The following POLR2F variants were observed in gnomAD, a reference collection of about 807,000 sequenced individuals.
POLR2F encodes the protein DNA-directed RNA polymerases I, II, and III subunit RPABC2.
POLR2F carries 12 observed loss-of-function variants against 22.7 expected under a neutral mutation model. The observed-to-expected ratio is 0.53, with a 90% CI of 0.34 to 0.86. The LOEUF is 0.86. POLR2F is among the 40% of genes least tolerant of loss of function. POLR2F has a pLI of 0.02. For missense variants in POLR2F, 126 were observed against 171.5 expected (o/e 0.73, Z 1.48); for synonymous variants, 57 against 66.0 (o/e 0.86, Z 0.66).
chr22:37,990,416 G>A (rs867802817), intron 1 of POLR2F, among the ~76,000 whole-genome samples: 5 of 152,364 alleles, frequency 3.3e-5, no homozygotes, highest in South Asian at 2.1e-4. Flanking sequence ...GCTCTCTTCT[G>A]AGAAGCCTTC....
chr22:38,021,535 C>T lies in POLR2F; in HGVS notation c.121-4334C>T, dbSNP rs564547922. ...ACAGTGACGCGATCATGGCTCTCTG[C>T]AGCCTCGACCTCCCAGGCTCAGGTG... is the stretch of plus-strand genomic sequence containing the variant. On this transcript the variant is annotated intron_variant, in intron 1 of 2. Coordinates refer to the POLR2F transcript ENST00000333418. 2.4e-4 allele frequency among the ~76,000 whole-genome samples: 36 copies of T among 152,280 alleles called. No homozygotes were observed. The South Asian group carries it at 7.0e-3, about 30-fold the overall frequency.
intron 1 of POLR2F, among the ~76,000 whole-genome samples, chr22:38,009,048 C>T (rs1423636620): frequency 2.0e-5 from 3 of 152,096 alleles, no homozygotes; most frequent in Non-Finnish European, 4.4e-5. Flanking sequence ...ATTTGGGTAT[C>T]TGGGGAAGAA....
intron 1 of POLR2F, among the ~76,000 whole-genome samples, chr22:38,015,438 G>A (rs565163761): frequency 2.0e-5 from 3 of 152,284 alleles, no homozygotes; most frequent in Admixed American, 1.3e-4. Context: ...AACTGGACTC[G>A]ATGTGATCTG....
chr22:37,979,198 A>G (rs1460312039), intron 4 of POLR2F, among the ~76,000 whole-genome samples: 1 of 152,020 alleles, frequency 6.6e-6, no homozygotes, highest in Admixed American at 6.6e-5. Context: ...CCTGAGTTCA[A>G]GCGATTCTCC....
intron 3 of POLR2F, 129 bp downstream of exon 3, chr22:37,959,605 C>T: frequency 1.9e-6 from 2 of 1,041,378 alleles, no homozygotes; most frequent in Admixed American, 2.2e-5. Context: ...TGGTGCCGTC[C>T]CTGCGTACCA....
At chr22:38,008,830 C>G (rs1046898041) in intron 1 of POLR2F, among the ~76,000 whole-genome samples, 2 of 150,814 alleles carry the variant, frequency 1.3e-5, no homozygotes, top group African/African-American at 4.9e-5. Flanking sequence ...TGCACTCCAG[C>G]CTGGGTGACA....
intron 4 of POLR2F, among the ~76,000 whole-genome samples, chr22:37,979,452 G>C (rs938174025): frequency 3.3e-5 from 5 of 151,864 alleles, no homozygotes; most frequent in African/African-American, 9.7e-5. Context: ...GGAGGATCTA[G>C]GGTTGGACTC....
downstream of POLR2F, among the ~76,000 whole-genome samples, chr22:38,030,884 C>G (rs1375468823): frequency 6.6e-6 from 1 of 152,148 alleles, no homozygotes; most frequent in African/African-American, 2.4e-5. Context: ...AGCTCAGTTG[C>G]TGGACAAATC....
intron 3 of POLR2F, among the ~76,000 whole-genome samples, chr22:37,966,815 T>C (rs988219305): frequency 1.4e-4 from 22 of 152,186 alleles, no homozygotes; most frequent in African/African-American, 5.1e-4. Flanking sequence ...CACTGGGCAC[T>C]GAGGCAAGGC....
downstream of POLR2F, chr22:37,974,277 G>T: frequency 9.0e-7 from 1 of 1,106,396 alleles, no homozygotes; most frequent in East Asian, 2.4e-5. This position sits in a 1 kb window ranked among gnomAD's most constrained non-coding sequence, Gnocchi z 5.4. Flanking sequence ...GAACTTCCAT[G>T]GTTCACCTTC....
chr22:38,000,542 G>A (rs1457570389), intron 1 of POLR2F, among the ~76,000 whole-genome samples: 1 of 152,194 alleles, frequency 6.6e-6, no homozygotes, highest in Non-Finnish European at 1.5e-5. Context: ...GGGTGGCTTT[G>A]GGCCCCTCGA....
At chr22:37,967,444 T>G in intron 4 of POLR2F, 181 bp from the exon 5 acceptor site, 8 of 1,435,338 alleles carry the variant, frequency 5.6e-6, no homozygotes, top group Non-Finnish European at 7.3e-6. Context: ...TTCTTCCCCC[T>G]CTTGTCTGAT....
At position 37,977,942 on chromosome 22, in the gene POLR2F, T is replaced by C. The variant is rs1400625808; in HGVS notation, c.293+10772T>C. On this transcript the variant is annotated intron_variant, in intron 4 of 4. Coordinates refer to the POLR2F transcript ENST00000405557. ...TGCCGGTGGTCCAAGTGGGCGCTCT[T>C]GTAGTGGGCCTGGATGGCGGCGGTC... 5.6e-6 allele frequency: 9 copies of C among 1,612,668 alleles called. No homozygotes were observed. The highest frequency in any genetic ancestry group is 1.3e-5 in the African/African-American group (1 of 74,892).
downstream of POLR2F, chr22:38,041,265 G>A: frequency 3.5e-6 from 4 of 1,153,708 alleles, no homozygotes; most frequent in Non-Finnish European, 5.0e-6. Flanking sequence ...ACAGGGGGAG[G>A]GAGGTTTCCA....
chr22:37,994,487 C>G (rs939645982), intron 1 of POLR2F, among the ~76,000 whole-genome samples: 2 of 152,130 alleles, frequency 1.3e-5, no homozygotes, highest in Non-Finnish European at 2.9e-5. Context: ...GCTGGTACCA[C>G]AGGCACCAGC....
chr22:37,959,557 C>A, intron 3 of POLR2F, 81 bp downstream of exon 3: 4 of 1,468,670 alleles, frequency 2.7e-6, no homozygotes, highest in South Asian at 1.2e-5. Flanking sequence ...CCCAGCCTGG[C>A]ACCTGAAAAC....
chr22:38,039,142 C>A (rs1025175282), intron 5 of POLR2F, among the ~76,000 whole-genome samples: 5 of 152,312 alleles, frequency 3.3e-5, no homozygotes, highest in African/African-American at 1.2e-4. Flanking sequence ...TTGAGGGGGC[C>A]GCCGCTGGGA....
At chr22:37,995,892 C>T (rs1272299982) in intron 1 of POLR2F, among the ~76,000 whole-genome samples, 1 of 151,756 alleles carries the variant, frequency 6.6e-6, no homozygotes, top group East Asian at 1.9e-4. Context: ...CCCAGCTACT[C>T]GGGAAGCTGA....
intron 1 of POLR2F, 35 bp from the exon 2 acceptor site, chr22:37,956,738 A>G (rs749407811): frequency 3.2e-6 from 5 of 1,560,358 alleles, no homozygotes; most frequent in South Asian, 1.1e-5. Context: ...CTTTTAAGTG[A>G]TGCTCTAAGT....
Sources: gnomAD v4.1 joint callset for allele counts (sites outside exome capture counted in the v4.1 genomes callset) on GRCh38, gnomAD v4.1.1 for gene constraint, Gnocchi (gnomAD v3.1) non-coding constraint, MANE v1.5 for transcripts, NCBI Gene and HGNC (gene_info 2026-07-23, HGNC 2026-07-21) for gene names.